FAM114A2: variants seen among roughly 807,000 people sequenced by gnomAD.
FAM114A2 encodes family with sequence similarity 114 member A2.
Under a neutral mutation model 58.4 loss-of-function variants are expected in FAM114A2, and 53 were observed. That is an observed-to-expected ratio of 0.91 (90% CI 0.73 to 1.14). The LOEUF (loss-of-function observed/expected upper bound fraction) is 1.14. Among genes scored for constraint, FAM114A2 ranks in the 50% most tolerant of loss-of-function variants. The probability of loss-of-function intolerance (pLI) is 0.00; values close to 1 mark genes in which losing one functional copy is unlikely to be tolerated. For synonymous variants in FAM114A2, 228 were observed against 211.4 expected (o/e 1.08, Z -0.68); for missense variants, 601 against 581.1 (o/e 1.03, Z -0.35).
At position 153,993,113 on chromosome 5, in the gene FAM114A2, G is replaced by T. The variant is rs762585292; in HGVS notation, c.1384-3C>A. 6.3e-7 allele frequency: 1 copy of T among 1,598,050 alleles called. No homozygotes were observed. Among genetic ancestry groups the T allele is most frequent in the Non-Finnish European group, 8.5e-7 (1 of 1,173,050 alleles). On this transcript the variant is annotated splice_region_variant and splice_polypyrimidine_tract_variant and intron_variant, in intron 13 of 13. Coordinates refer to ENST00000351797, the MANE Select transcript of FAM114A2 (RefSeq NM_018691.4). ...ATGTAGGAGGCACTGTTTGATGCCT[G>T]CCAGGATTGAAAAAACAAGAAAAAG... is the stretch of plus-strand genomic sequence containing the variant.
chr5:154,035,804 C>G (rs1020785210), intron 1 of FAM114A2, among the ~76,000 whole-genome samples: 1 of 152,172 alleles, frequency 6.6e-6, no homozygotes, highest in Non-Finnish European at 1.5e-5. Context: ...ACATTTCCAC[C>G]AGCAATGTAT....
chr5:154,004,418 T>C (rs1383299174), intron 9 of FAM114A2, among the ~76,000 whole-genome samples: 3 of 152,200 alleles, frequency 2.0e-5, no homozygotes, highest in African/African-American at 7.2e-5. Context: ...TGGTTTCAAC[T>C]ATCCTCAACC....
intron 8 of FAM114A2, among the ~76,000 whole-genome samples, chr5:154,019,888 C>T (rs1361600267): frequency 6.6e-6 from 1 of 152,062 alleles, no homozygotes; most frequent in East Asian, 1.9e-4. Context: ...CAAAATTGAC[C>T]ACATAGTTGG....
At chr5:154,029,459 G>T in intron 5 of FAM114A2, 30 bp downstream of exon 5, 3 of 1,196,902 alleles carry the variant, frequency 2.5e-6, no homozygotes, top group South Asian at 2.4e-5. Context: ...TAATGGAAAG[G>T]AACAGACCAC....
intron 12 of FAM114A2, among the ~76,000 whole-genome samples, chr5:153,996,449 G>GA (rs935296684): frequency 2.0e-5 from 3 of 151,212 alleles, no homozygotes; most frequent in African/African-American, 7.3e-5. Context: ...ACTTTTAGAA[G>GA]AAAACAGAGG....
At chr5:154,019,235 A>T (rs1471163212) in intron 8 of FAM114A2, among the ~76,000 whole-genome samples, 1 of 152,200 alleles carries the variant, frequency 6.6e-6, no homozygotes, top group African/African-American at 2.4e-5. Context: ...GCTCTTCAAT[A>T]CACCAACAGT....
At chr5:154,011,590 T>C (rs1212409626) in intron 8 of FAM114A2, among the ~76,000 whole-genome samples, 1 of 152,136 alleles carries the variant, frequency 6.6e-6, no homozygotes, top group Non-Finnish European at 1.5e-5. Context: ...TTAAGTGACT[T>C]CCCCAAGACT....
chr5:154,019,222 G>A (rs1370664275), intron 8 of FAM114A2, among the ~76,000 whole-genome samples: 1 of 152,144 alleles, frequency 6.6e-6, no homozygotes, highest in African/African-American at 2.4e-5. Context: ...ACACAAATCA[G>A]TAGCTCTTCA....
At chr5:153,993,622 C>T (rs1310117894) in intron 13 of FAM114A2, among the ~76,000 whole-genome samples, 1 of 152,156 alleles carries the variant, frequency 6.6e-6, no homozygotes, top group East Asian at 1.9e-4. Context: ...AGATATATTT[C>T]TATCTTGAAC....
At chr5:154,024,252 A>C (rs1199521928) in intron 8 of FAM114A2, among the ~76,000 whole-genome samples, 1 of 152,214 alleles carries the variant, frequency 6.6e-6, no homozygotes, top group Non-Finnish European at 1.5e-5. Flanking sequence ...CTTTCTGAGA[A>C]CATTAAAGAG....
intron 8 of FAM114A2, among the ~76,000 whole-genome samples, chr5:154,019,183 A>T (rs1771237843): frequency 1.3e-5 from 2 of 152,232 alleles, no homozygotes; most frequent in African/African-American, 4.8e-5. Flanking sequence ...AAAAGAATTC[A>T]GCAATGTTTC....
At chr5:154,013,128 A>T (rs1770808723) in intron 8 of FAM114A2, among the ~76,000 whole-genome samples, 1 of 152,158 alleles carries the variant, frequency 6.6e-6, no homozygotes, top group Non-Finnish European at 1.5e-5. Flanking sequence ...AGTTGTGATA[A>T]AAAAATTTTG....
At chr5:154,010,936 T>C (rs560356051) in intron 9 of FAM114A2, among the ~76,000 whole-genome samples, 2 of 152,290 alleles carry the variant, frequency 1.3e-5, no homozygotes, top group East Asian at 3.9e-4. Flanking sequence ...ACTGGAATCA[T>C]GAGGCTGGTC....
intron 1 of FAM114A2, among the ~76,000 whole-genome samples, chr5:154,036,074 T>C (rs767875912): frequency 2.0e-5 from 3 of 152,234 alleles, no homozygotes; most frequent in Non-Finnish European, 4.4e-5. Context: ...TCATATATTC[T>C]GTATAATATG....
chr5:154,037,875 A>T (rs1359973757), intron 1 of FAM114A2, among the ~76,000 whole-genome samples: 1 of 152,172 alleles, frequency 6.6e-6, no homozygotes, highest in Non-Finnish European at 1.5e-5. Flanking sequence ...TTACTAAAAT[A>T]TTAAACACTG....
chr5:154,020,758 T>G (rs1771359439), intron 8 of FAM114A2, among the ~76,000 whole-genome samples: 1 of 151,904 alleles, frequency 6.6e-6, no homozygotes, highest in Non-Finnish European at 1.5e-5. Context: ...ACTACTCCAA[T>G]CAATAAAAAA....
chr5:154,011,188 C>T lies in FAM114A2; in HGVS notation c.993+53G>A, dbSNP rs1253095123. 10 of 1,293,546 alleles carry T rather than the reference C, an allele frequency of 7.7e-6. No individual in the cohort carries two copies. The Admixed American group carries it at 1.8e-4, about 23-fold the overall frequency. The allele number at this position is 1,293,546 out of a possible 1,614,324, so 80.1% of individuals were successfully genotyped here. ...AATTTATAATCTTATGCTCTTTATC[C>T]ACTACATTTTTACAAGTAAAATAAT... On this transcript the variant is annotated intron_variant, in intron 9 of 13. Transcript: ENST00000351797.
intron 4 of FAM114A2, 144 bp from the exon 5 acceptor site, chr5:154,029,724 C>T: frequency 2.1e-6 from 1 of 479,378 alleles, no homozygotes; most frequent in South Asian, 3.3e-5. Context: ...AAACCATTTG[C>T]TTATTTTAAA....
intron 9 of FAM114A2, among the ~76,000 whole-genome samples, chr5:154,005,705 G>C (rs1196158022): frequency 6.6e-6 from 1 of 152,138 alleles, no homozygotes; most frequent in African/African-American, 2.4e-5. Context: ...TATTTTTTAA[G>C]TTTCTTAACT....
Sources: allele counts gnomAD v4.1 joint callset (sites outside exome capture counted in the v4.1 genomes callset), GRCh38; gene constraint gnomAD v4.1.1; transcripts MANE v1.5; gene names NCBI Gene and HGNC (gene_info 2026-07-23, HGNC 2026-07-21).